PTGES2: variants seen among roughly 807,000 people sequenced by gnomAD.
PTGES2 encodes GATE-binding factor 1.
PTGES2 carries 35 observed loss-of-function variants against 44.5 expected under a neutral mutation model. That is an observed-to-expected ratio of 0.79 (90% CI 0.60 to 1.04). The LOEUF (loss-of-function observed/expected upper bound fraction) is 1.04, where lower values mean the gene tolerates loss of function less well. Among genes scored for constraint, PTGES2 ranks in the 50% least tolerant of loss-of-function variants. PTGES2 has a pLI of 0.00. For missense variants in PTGES2, 517 were observed against 521.4 expected (o/e 0.99, Z 0.08); for synonymous variants, 221 against 227.5 (o/e 0.97, Z 0.26).
At chr9:128,121,368 C>A in intron 6 of PTGES2, 95 bp from the exon 7 acceptor site, 1 of 1,471,748 alleles carries the variant, frequency 6.8e-7, no homozygotes, top group Non-Finnish European at 9.1e-7. Context: ...GTCCCGTCCC[C>A]TCCCCCCTTG....
chr9:128,128,426 G>A (rs963743530), upstream of PTGES2: 3 of 449,754 alleles, frequency 6.7e-6, no homozygotes, highest in South Asian at 4.7e-5. Context: ...GCGTCTCCGC[G>A]GACAGCCCCG....
rs762280353 is a variant in PTGES2, at chr9:128,123,795, T to C, written c.593A>G (p.Gln198Arg). 2 of 1,614,004 alleles carry C rather than the reference T, an allele frequency of 1.2e-6. No individual in the cohort carries two copies. Among genetic ancestry groups the C allele is most frequent in the East Asian group, 4.5e-5 (2 of 44,882 alleles). ...YYPAMKAVNEQGKEVTEFGNK... is the reference protein window; with the variant it reads ...YYPAMKAVNERGKEVTEFGNK... ...GCCGAACTCGGTCACCTCCTTGCCCTGCTCGTTCACAGCCTTCATGGCTGG... is the reference window on the plus strand; with the variant it reads ...GCCGAACTCGGTCACCTCCTTGCCCCGCTCGTTCACAGCCTTCATGGCTGG... Residue 198 changes from glutamine (Q) to arginine (R), a missense_variant, in exon 4 of 7, where the codon CAG becomes CGG. Physicochemically the swap from Gln to Arg is conservative, Grantham distance 43 (BLOSUM62 1). Transcript: ENST00000338961. This position sits in a 1 kb window ranked among gnomAD's most constrained non-coding sequence, Gnocchi z 4.4.
intron 1 of PTGES2, 29 bp downstream of exon 1, chr9:128,127,410 T>C: frequency 1.5e-6 from 2 of 1,335,380 alleles, no homozygotes; most frequent in Non-Finnish European, 1.9e-6. Context: ...CTGATCAGCA[T>C]CCCCATCCCC....
rs561917132 is a variant in PTGES2 at position 128,126,816 on chromosome 9, C to T, written c.279+623G>A. On this transcript the variant is annotated intron_variant, in intron 1 of 6. Transcript: ENST00000338961. ...CGGAGGTTGCAGTGAACCGAGATCG[C>T]GCCACTGCACTCCAGCCTGGGCAAC... 2.0e-5 allele frequency among the ~76,000 whole-genome samples: 3 copies of T among 150,500 alleles called. No individual in the cohort carries two copies. In the East Asian group the frequency reaches 5.9e-4, roughly 29 times the overall value.
chr9:128,122,308 C>A (rs77605640), intron 6 of PTGES2, 54 bp downstream of exon 6: 22 of 1,412,144 alleles, frequency 1.6e-5, no homozygotes, highest in Middle Eastern at 1.8e-4. Flanking sequence ...AAACCTCCCC[C>A]ACTCTGAGGA....
chr9:128,124,636 A>T (rs1834550550), intron 2 of PTGES2, 86 bp from the exon 3 acceptor site: 3 of 1,412,620 alleles, frequency 2.1e-6, no homozygotes, highest in East Asian at 2.4e-5. Context: ...CACTCTGGGC[A>T]TTGTTTATCC....
rs568435050 is a variant in PTGES2, at chr9:128,127,622, C to T, written c.96G>A (p.Thr32=). Residue 32 remains threonine (T), a synonymous_variant, in exon 1 of 7, where the codon ACG becomes ACA. Coordinates refer to ENST00000338961, the MANE Select transcript of PTGES2 (RefSeq NM_025072.7). ...LGGRPQPLLP[T]QSRAGFAGAA... The stretch of plus-strand genomic sequence containing the variant: ...CCCCCGCGAAGCCAGCCCGGCTCTG[C>T]GTGGGTAGCAGCGGCTGGGGGCGGC... The T allele has an allele frequency of 2.1e-4, 263 of 1,268,620 alleles. 1 individual carries two copies. The African/African-American group carries it at 3.8e-3, about 18-fold the overall frequency. The allele number at this position is 1,268,620 out of a possible 1,614,324, so 78.6% of individuals were successfully genotyped here. A position where few individuals can be genotyped will look rare whatever the true frequency, so the allele number is the denominator to read the frequency against.
At chr9:128,124,996 T>G in intron 2 of PTGES2, 3 of 762,474 alleles carry the variant, frequency 3.9e-6, no homozygotes, top group Admixed American at 3.3e-5. Flanking sequence ...AGATCGCTGA[T>G]TTCAGAATCT....
Position 128,127,647 on chromosome 9 carries a change from C to T in PTGES2, c.71G>A (p.Gly24Asp). ...GGCALAWRLG[G>D]RPQPLLPTQS... The stretch of plus-strand genomic sequence containing the variant: ...CGTGGGTAGCAGCGGCTGGGGGCGG[C>T]CTCCCAGCCTCCAGGCCAAGGCGCA... The change falls in exon 1 of 7, where the codon GGC becomes GAC. Residue 24 changes from glycine to aspartate, a missense_variant. Coordinates refer to ENST00000338961, the MANE Select transcript of PTGES2 (RefSeq NM_025072.7). 2 of 1,273,422 alleles carry T rather than the reference C, an allele frequency of 1.6e-6. No homozygotes were observed. Among genetic ancestry groups the T allele is most frequent in the South Asian group, 2.7e-5 (1 of 37,714 alleles). 78.9% of individuals were successfully genotyped at this position (1,273,422 alleles called of 1,614,324 possible).
chr9:128,125,889 G>C (rs1759733771), intron 1 of PTGES2, among the ~76,000 whole-genome samples: 2 of 152,142 alleles, frequency 1.3e-5, no homozygotes, highest in South Asian at 4.1e-4. Context: ...TCACCAGTGG[G>C]GTCTACCTCC....
intron 1 of PTGES2, among the ~76,000 whole-genome samples, chr9:128,127,186 C>CCA (rs1834652027): frequency 8.4e-5 from 3 of 35,764 alleles, no homozygotes; most frequent in South Asian, 1.9e-3. Flanking sequence ...CATAAATAAA[C>CCA]AAACCAAAAA....
intron 1 of PTGES2, among the ~76,000 whole-genome samples, chr9:128,126,941 G>A (rs1009996754): frequency 6.6e-6 from 1 of 151,434 alleles, no homozygotes; most frequent in Admixed American, 6.6e-5. Flanking sequence ...CACTTTCAGA[G>A]GCCAAGGTGG....
chr9:128,127,855 G>A (rs1043872350), upstream of PTGES2: 4 of 879,972 alleles, frequency 4.5e-6, no homozygotes, highest in East Asian at 7.1e-5. Context: ...CAGCGCTCTC[G>A]GGACTGGGCG....
Position 128,120,770 on chromosome 9 carries a change from G to T in PTGES2, c.*375C>A. 2 of 226,244 alleles carry T rather than the reference G, an allele frequency of 8.8e-6. No individual in the cohort carries two copies. Among genetic ancestry groups the T allele is most frequent in the Non-Finnish European group, 8.7e-6 (1 of 114,506 alleles). 14.0% of individuals were successfully genotyped at this position (226,244 alleles called of 1,614,324 possible). ...CATGTCCCAGTCCCGGGAGGCTTGG[G>T]AAGAGTGGGAACCAGGGGAACCCAG... is the stretch of plus-strand genomic sequence containing the variant. On this transcript the variant is annotated 3_prime_UTR_variant, in exon 7 of 7. Transcript: ENST00000338961.
upstream of PTGES2, chr9:128,128,174 G>GCGCGGCGGTC (rs11282144): frequency 2.1e-5 from 8 of 376,190 alleles, no homozygotes; most frequent in African/African-American, 1.1e-4. Context: ...GGCACCAGGT[G>GCGCGGCGGTC]TTGCGGTTCT....
rs1319292094 is a variant in PTGES2, at chr9:128,125,227, G to A, written c.477+17C>T. The A allele has an allele frequency of 2.6e-6, 4 of 1,557,854 alleles. No individual in the cohort carries two copies. The highest frequency in any genetic ancestry group is 1.4e-5 in the African/African-American group (1 of 73,460). The stretch of plus-strand genomic sequence containing the variant: ...CCAGGAAAGGAGGAAGGATGCAGGG[G>A]GTTCCCTGGGGCTCACCGAGCTTTC... On this transcript the variant is annotated intron_variant, in intron 2 of 6. Coordinates refer to ENST00000338961, the MANE Select transcript of PTGES2 (RefSeq NM_025072.7).
At chr9:128,124,100 TG>T (rs1486745212) in intron 3 of PTGES2, among the ~76,000 whole-genome samples, 2 of 151,716 alleles carry the variant, frequency 1.3e-5, no homozygotes, top group African/African-American at 4.8e-5. Flanking sequence ...TTTTTTTTTT[TG>T]AGACGGAGTC....
At chr9:128,128,084 A>G (rs1834715321), upstream of PTGES2, 1 of 350,958 alleles carries the variant, frequency 2.8e-6, no homozygotes. Flanking sequence ...GCGCCCATTC[A>G]AAACAACTCC....
intron 2 of PTGES2, 157 bp from the exon 3 acceptor site, chr9:128,124,707 G>C: frequency 7.7e-7 from 1 of 1,303,720 alleles, no homozygotes; most frequent in Admixed American, 2.8e-5. Context: ...ATCCTAAGTA[G>C]GGAGACGTGG....
Sources: allele counts gnomAD v4.1 joint callset (sites outside exome capture counted in the v4.1 genomes callset), GRCh38; gene constraint gnomAD v4.1.1; non-coding constraint Gnocchi (gnomAD v3.1); transcripts MANE v1.5; gene names NCBI Gene and HGNC (gene_info 2026-07-23, HGNC 2026-07-21).